TMLHE: variants seen among roughly 807,000 people sequenced by gnomAD.
TMLHE encodes the protein trimethyllysine hydroxylase, epsilon, also known as trimethyllysine dioxygenase, mitochondrial.
In TMLHE, 18 loss-of-function variants were observed where a neutral mutation model predicts 25.7. The observed-to-expected ratio is 0.70, with a 90% CI of 0.48 to 1.04. The LOEUF (loss-of-function observed/expected upper bound fraction) is 1.04. Ranked by LOEUF, TMLHE falls within the 50% of genes least tolerant of loss-of-function variation. TMLHE has a pLI of 0.00. For missense variants in TMLHE, 236 were observed against 259.0 expected (o/e 0.91, Z 0.61); for synonymous variants, 105 against 97.0 (o/e 1.08, Z -0.49).
intron 1 of TMLHE, among the ~76,000 whole-genome samples, chrX:155,582,573 G>T (rs1557344691): frequency 8.9e-6 from 1 of 112,128 alleles, no homozygotes; most frequent in Non-Finnish European, 1.9e-5. Context: ...ATGAAAAAAT[G>T]CTCATCATCA....
At chrX:155,557,287 T>C (rs782364910) in intron 1 of TMLHE, among the ~76,000 whole-genome samples, 1 of 112,104 alleles carries the variant, frequency 8.9e-6, no homozygotes, top group African/African-American at 3.2e-5. Context: ...CATAAGAAAT[T>C]ACAAAAGTAT....
intron 2 of TMLHE, among the ~76,000 whole-genome samples, chrX:155,536,977 C>A (rs1187819052): frequency 1.8e-5 from 2 of 111,896 alleles, no homozygotes; most frequent in Non-Finnish European, 3.8e-5. Context: ...CTTGATTCAT[C>A]TCTTTTATAA....
At chrX:155,526,180 A>G (rs1557336433) in intron 2 of TMLHE, among the ~76,000 whole-genome samples, 1 of 112,924 alleles carries the variant, frequency 8.9e-6, no homozygotes, top group Non-Finnish European at 1.9e-5. Flanking sequence ...GCCAAGAGGG[A>G]AAAAAGAGTT....
At chrX:155,550,816 A>G (rs1286696818) in intron 1 of TMLHE, among the ~76,000 whole-genome samples, 2 of 110,705 alleles carry the variant, frequency 1.8e-5, no homozygotes, top group African/African-American at 3.3e-5. Flanking sequence ...TTTTGAGTGT[A>G]TATGAACCAC....
Position 155,511,786 on chromosome X carries a change from G to T in TMLHE, c.645C>A (p.Thr215=). The T allele has an allele frequency of 1.7e-6, 2 of 1,162,748 alleles. No individual in the cohort carries two copies. Among genetic ancestry groups the T allele is most frequent in the Non-Finnish European group, 1.2e-6 (1 of 864,235 alleles). The change falls in exon 5 of 8, where the codon ACC becomes ACA. Residue 215 remains threonine, a synonymous_variant. Transcript: ENST00000334398. ...TGAAATACCACATCCTCCCATAAAT[G>T]GTTTCTCTGTTAGTTGAAATAAAGA... ...LAERISLIRE[T]IYGRMWYFTS... is the part of the protein sequence containing the mutation.
At chrX:155,553,382 A>G (rs1557340307) in intron 1 of TMLHE, among the ~76,000 whole-genome samples, 5 of 109,239 alleles carry the variant, frequency 4.6e-5, no homozygotes, top group Admixed American at 3.9e-4. Context: ...GAATAATTGT[A>G]TCTTCTTGGT....
At chrX:155,555,028 C>T (rs1349305099) in intron 1 of TMLHE, among the ~76,000 whole-genome samples, 1 of 109,844 alleles carries the variant, frequency 9.1e-6, no homozygotes, top group African/African-American at 3.3e-5. Flanking sequence ...CTATCCCTTC[C>T]CCAGCTCCCC....
chrX:155,547,387 G>A (rs1423548416), intron 1 of TMLHE, among the ~76,000 whole-genome samples: 9 of 110,279 alleles, frequency 8.2e-5, no homozygotes, highest in African/African-American at 2.6e-4. Flanking sequence ...CTCGTGATCC[G>A]CCGCCTCAGC....
chrX:155,563,842 A>G lies in TMLHE; in HGVS notation c.-1-18565T>C, dbSNP rs1238345145. Among the ~76,000 whole-genome samples the G allele has an allele frequency of 8.1e-5, 5 of 61,854 alleles. 1 individual carries two copies. The highest frequency in any genetic ancestry group is 1.8e-4 in the African/African-American group (5 of 27,874). 53.7% of individuals were successfully genotyped at this position (61,854 alleles called of 115,157 possible). On this transcript the variant is annotated intron_variant, in intron 1 of 7. Transcript: ENST00000334398. ...TTCTCATAGATCCTTTTATTCTTCA[A>G]TGCACTTATTACAACTTGTAATTAT...
chrX:155,507,841 G>A (rs781869492), intron 5 of TMLHE, among the ~76,000 whole-genome samples: 14 of 111,081 alleles, frequency 1.3e-4, no homozygotes, highest in African/African-American at 4.6e-4. Flanking sequence ...GAAGCAACGT[G>A]ACAAAAAACT....
At chrX:155,596,894 A>ATTT (rs2067723945) in intron 1 of TMLHE, among the ~76,000 whole-genome samples, 1 of 110,113 alleles carries the variant, frequency 9.1e-6, no homozygotes, top group Non-Finnish European at 1.9e-5. Flanking sequence ...TATTATTATT[A>ATTT]TACTTTAAGT....
intron 1 of TMLHE, among the ~76,000 whole-genome samples, chrX:155,549,470 T>C (rs1443852791): frequency 9.0e-6 from 1 of 110,963 alleles, no homozygotes; most frequent in Non-Finnish European, 1.9e-5. Context: ...ATGTACTTTC[T>C]ACATCTATTA....
At chrX:155,549,136 G>C (rs782262269) in intron 1 of TMLHE, among the ~76,000 whole-genome samples, 1 of 111,262 alleles carries the variant, frequency 9.0e-6, no homozygotes, top group South Asian at 3.7e-4. Flanking sequence ...CTTCCAGTAA[G>C]CGCTTTGGAA....
At chrX:155,590,462 T>C (rs1361957040) in intron 1 of TMLHE, among the ~76,000 whole-genome samples, 3 of 111,967 alleles carry the variant, frequency 2.7e-5, no homozygotes, top group Non-Finnish European at 5.7e-5. Flanking sequence ...CCATCTCTTC[T>C]TTAAAAACAT....
intron 1 of TMLHE, among the ~76,000 whole-genome samples, chrX:155,553,960 G>A (rs1466278734): frequency 4.8e-5 from 5 of 105,253 alleles, no homozygotes; most frequent in African/African-American, 1.0e-4. Context: ...ACACATGCAC[G>A]CCACATGACA....
At chrX:155,585,020 C>A (rs1245156394) in intron 1 of TMLHE, among the ~76,000 whole-genome samples, 2 of 111,232 alleles carry the variant, frequency 1.8e-5, no homozygotes, top group Non-Finnish European at 3.8e-5. Flanking sequence ...AATCACCACA[C>A]CAAAATAACA....
intron 1 of TMLHE, among the ~76,000 whole-genome samples, chrX:155,568,321 A>C (rs1208976672): frequency 1.6e-5 from 1 of 61,640 alleles, no homozygotes; most frequent in African/African-American, 3.6e-5. Flanking sequence ...CTTAGGTAAA[A>C]AAAGCAGCCG....
At chrX:155,528,734 A>G (rs1004708615) in intron 2 of TMLHE, among the ~76,000 whole-genome samples, 7 of 111,247 alleles carry the variant, frequency 6.3e-5, no homozygotes, top group Non-Finnish European at 1.3e-4. Context: ...TTATTGGTTG[A>G]TGGGTACTGA....
At chrX:155,548,687 ATTGTGC>A (rs2067385572) in intron 1 of TMLHE, among the ~76,000 whole-genome samples, 1 of 108,197 alleles carries the variant, frequency 9.2e-6, no homozygotes, top group Admixed American at 9.8e-5. Flanking sequence ...GTGAGCTGAG[ATTGTGC>A]CACTGCACTC....
Sources: gnomAD v4.1 joint callset for allele counts (sites outside exome capture counted in the v4.1 genomes callset) on GRCh38, gnomAD v4.1.1 for gene constraint, MANE v1.5 for transcripts, NCBI Gene and HGNC (gene_info 2026-07-23, HGNC 2026-07-21) for gene names.